ENO1: variants seen among roughly 807,000 people sequenced by gnomAD.
ENO1 encodes the protein enolase 1.
A neutral mutation model predicts 46.3 loss-of-function variants in ENO1; 33 were observed. That is an observed-to-expected ratio of 0.71 (90% CI 0.54 to 0.95). The LOEUF (loss-of-function observed/expected upper bound fraction) is 0.95. Ranked by LOEUF, ENO1 falls within the 40% of genes least tolerant of loss-of-function variation. The pLI is 0.00. For missense variants in ENO1, 488 were observed against 553.3 expected (o/e 0.88, Z 1.18); for synonymous variants, 220 against 216.0 (o/e 1.02, Z -0.16).
At chr1:8,876,864 G>C (rs1466555459) in intron 1 of ENO1, among the ~76,000 whole-genome samples, 1 of 151,062 alleles carries the variant, frequency 6.6e-6, no homozygotes, top group Non-Finnish European at 1.5e-5. Context: ...TATTTTTTGA[G>C]ACGGAGTTTC....
chr1:8,868,191 A>G, intron 4 of ENO1, 134 bp from the exon 5 acceptor site: 1 of 744,360 alleles, frequency 1.3e-6, no homozygotes, highest in Non-Finnish European at 2.2e-6. Flanking sequence ...TATAAGCAAA[A>G]AAAGTGGAGG....
chr1:8,870,726 A>C (rs1481369074), intron 3 of ENO1: 1 of 1,429,462 alleles, frequency 7.0e-7, no homozygotes, highest in Non-Finnish European at 9.1e-7. Context: ...AGAGCCACAC[A>C]AAACAGCAGC....
intron 2 of ENO1, among the ~76,000 whole-genome samples, chr1:8,873,376 T>C (rs949297190): frequency 3.3e-5 from 5 of 152,190 alleles, no homozygotes; most frequent in African/African-American, 1.2e-4. Flanking sequence ...TCTGAGCAAG[T>C]CCATCATTTC....
Position 8,861,324 on chromosome 1 carries a change from G to T in ENO1, c.*36C>A. 1 of 1,610,960 alleles carries T rather than the reference G, an allele frequency of 6.2e-7. No homozygotes were observed. The highest frequency in any genetic ancestry group is 8.5e-7 in the Non-Finnish European group (1 of 1,178,304). ...TGACACGAGGGGAGGGGTCTGTGTA[G>T]CCAACAGGTGACCGAAGGGCTTGCC... On this transcript the variant is annotated 3_prime_UTR_variant, in exon 12 of 12. Transcript: ENST00000234590.
At position 8,868,805 on chromosome 1, in the gene ENO1, C is replaced by T. The variant is rs1373890551; in HGVS notation, c.241-748G>A. On this transcript the variant is annotated intron_variant, in intron 4 of 11. Transcript: ENST00000234590. ...GGCTCAAATGATCCTCCAAACTCAG[C>T]TGGGACTATAGGCATGCACCATCAT... is the stretch of plus-strand genomic sequence containing the variant. 1.3e-5 allele frequency among the ~76,000 whole-genome samples: 2 copies of T among 152,162 alleles called. 1 individual carries two copies. Among genetic ancestry groups the T allele is most frequent in the South Asian group, 4.1e-4 (2 of 4,830 alleles).
intron 3 of ENO1, chr1:8,871,101 AAAC>A: frequency 4.1e-6 from 5 of 1,205,668 alleles, no homozygotes; most frequent in Non-Finnish European, 5.1e-6. Flanking sequence ...GTACGCCATT[AAAC>A]AACGGTCAAA....
intron 5 of ENO1, among the ~76,000 whole-genome samples, chr1:8,867,573 T>C (rs1455107945): frequency 2.6e-5 from 4 of 152,134 alleles, no homozygotes; most frequent in African/African-American, 9.7e-5. Flanking sequence ...TCTTTTTTTT[T>C]GAGACAGAGT....
chr1:8,867,138 A>G lies in ENO1; in HGVS notation c.423T>C (p.Ser141=). 6.2e-7 allele frequency: 1 copy of G among 1,614,140 alleles called. No homozygotes were observed. The highest frequency in any genetic ancestry group is 8.5e-7 in the Non-Finnish European group (1 of 1,179,980). ...YRHIADLAGN[S]EVILPVPAFN... is the part of the protein sequence containing the mutation. ...TCACCGGGACTGGCAGGATGACTTC[A>G]GAGTTGCCAGCCAAGTCAGCGATGT... Residue 141 remains serine, a synonymous_variant, in exon 6 of 12, where the codon TCT becomes TCC. Coordinates refer to ENST00000234590, the MANE Select transcript of ENO1 (RefSeq NM_001428.5).
Position 8,867,136 on chromosome 1 carries a change from TCA to T in ENO1, c.423_424del (p.Glu142SerfsTer68), listed in dbSNP as rs1642535841. ...ACTCACCGGGACTGGCAGGATGACT[TCA>T]GAGTTGCCAGCCAAGTCAGCGATGT... On this transcript the variant is annotated frameshift_variant, in exon 6 of 12. Transcript: ENST00000234590. LOFTEE classifies it high-confidence loss of function. 3.1e-6 allele frequency: 5 copies of T among 1,613,926 alleles called. No individual in the cohort carries two copies. Among genetic ancestry groups the T allele is most frequent in the Non-Finnish European group, 4.2e-6 (5 of 1,179,968 alleles).
intron 1 of ENO1, 82 bp from the exon 2 acceptor site, chr1:8,874,999 G>T: frequency 1.7e-6 from 2 of 1,202,924 alleles, no homozygotes; most frequent in Non-Finnish European, 1.2e-6. Flanking sequence ...CACTTCCGAG[G>T]TTCGTGGACT....
chr1:8,871,281 G>T, intron 3 of ENO1: 1 of 1,001,940 alleles, frequency 1.0e-6, no homozygotes, highest in Non-Finnish European at 1.2e-6. Flanking sequence ...GAGAATGCGT[G>T]ATCTAGCCCT....
intron 6 of ENO1, among the ~76,000 whole-genome samples, 170 bp downstream of exon 6, chr1:8,866,947 T>G (rs1642530806): frequency 6.6e-6 from 1 of 152,150 alleles, no homozygotes; most frequent in Non-Finnish European, 1.5e-5. Context: ...ATAAAGGACC[T>G]GGGGCACAGG....
At chr1:8,863,059 G>C in intron 10 of ENO1, 114 bp from the exon 11 acceptor site, 1 of 1,425,380 alleles carries the variant, frequency 7.0e-7, no homozygotes, top group South Asian at 1.2e-5. Context: ...TGCTAGGAAA[G>C]TGGGGGCCAC....
chr1:8,870,285 G>C, intron 4 of ENO1, 167 bp downstream of exon 4: 1 of 777,108 alleles, frequency 1.3e-6, no homozygotes. Flanking sequence ...GTGAGGCAGC[G>C]GGCAGGTTAG....
intron 9 of ENO1, 67 bp downstream of exon 9, chr1:8,863,824 A>G: frequency 6.4e-7 from 1 of 1,558,768 alleles, no homozygotes; most frequent in African/African-American, 1.4e-5. Flanking sequence ...TCACCAGAAC[A>G]AAAGGGCCCT....
In ENO1 at chr1:8,865,305, G is replaced by A; in HGVS notation, c.845C>T (p.Ser282Phe). 1 of 1,614,134 alleles carries A rather than the reference G, an allele frequency of 6.2e-7. No individual in the cohort carries two copies. Among genetic ancestry groups the A allele is most frequent in the Non-Finnish European group, 8.5e-7 (1 of 1,179,998 alleles). The change falls in exon 8 of 12, where the codon TCC (serine) becomes TTC (phenylalanine). Residue 282 changes from serine (S) to phenylalanine (F), a missense_variant. Transcript: ENST00000234590. ...SPDQLADLYK[S>F]FIKDYPVVSI... ...CTCACCTGGGTAGTCCTTGATGAAG[G>A]ACTTGTACAGGTCAGCCAGCTGGTC...
At chr1:8,866,539 C>G in intron 6 of ENO1, 38 bp from the exon 7 acceptor site, 1 of 1,608,564 alleles carries the variant, frequency 6.2e-7, no homozygotes. Flanking sequence ...GCACTGGGTC[C>G]AGAGAGCCCC....
chr1:8,874,220 G>GT (rs1642689708), intron 2 of ENO1, among the ~76,000 whole-genome samples: 1 of 152,174 alleles, frequency 6.6e-6, no homozygotes, highest in Non-Finnish European at 1.5e-5. Context: ...AGGTCTTGTG[G>GT]TATCACCTTA....
chr1:8,870,532 A>C, intron 3 of ENO1, 22 bp from the exon 4 acceptor site: 1 of 1,614,112 alleles, frequency 6.2e-7, no homozygotes, highest in African/African-American at 1.3e-5. Context: ...AATCAAATCA[A>C]ATTACTGACA....
Sources: allele counts gnomAD v4.1 joint callset (sites outside exome capture counted in the v4.1 genomes callset), GRCh38; gene constraint gnomAD v4.1.1; transcripts MANE v1.5; gene names NCBI Gene and HGNC (gene_info 2026-07-23, HGNC 2026-07-21).